Variants in LNX1 observed in about 807,000 individuals in gnomAD.
LNX1 encodes the protein E3 ubiquitin-protein ligase LNX.
A neutral mutation model predicts 68.4 loss-of-function variants in LNX1; 54 were observed. That is an observed-to-expected ratio of 0.79 (90% CI 0.63 to 0.99). The LOEUF is 0.99. Ranked by LOEUF, LNX1 falls within the 50% of genes least tolerant of loss-of-function variation. The probability of loss-of-function intolerance (pLI) is 0.00; values close to 1 mark genes in which losing one functional copy is unlikely to be tolerated. For missense variants in LNX1, 906 were observed against 926.4 expected (o/e 0.98, Z 0.29); for synonymous variants, 336 against 350.0 (o/e 0.96, Z 0.45).
intron 1 of LNX1, among the ~76,000 whole-genome samples, chr4:53,581,152 C>T (rs193128556): frequency 2.0e-5 from 3 of 152,234 alleles, no homozygotes; most frequent in East Asian, 3.9e-4. Flanking sequence ...GTATACTGGT[C>T]ACCCGGGACC....
At chr4:53,493,932 G>A (rs917300424) in intron 6 of LNX1, among the ~76,000 whole-genome samples, 5 of 152,152 alleles carry the variant, frequency 3.3e-5, no homozygotes, top group East Asian at 1.9e-4. Context: ...GTGGCTTTGC[G>A]GATAAAGTCT....
intron 6 of LNX1, among the ~76,000 whole-genome samples, chr4:53,490,247 T>C (rs769598947): frequency 6.6e-6 from 1 of 152,168 alleles, no homozygotes; most frequent in Non-Finnish European, 1.5e-5. Context: ...GAATTGCCTA[T>C]GGAAAAAAGG....
chr4:53,595,168 C>T (rs1189900259), upstream of LNX1, among the ~76,000 whole-genome samples: 1 of 152,160 alleles, frequency 6.6e-6, no homozygotes, highest in Non-Finnish European at 1.5e-5. Context: ...GGGCACAGAT[C>T]ATTCCAGACA....
At chr4:53,530,440 A>G (rs1727937948) in intron 2 of LNX1, among the ~76,000 whole-genome samples, 1 of 152,236 alleles carries the variant, frequency 6.6e-6, no homozygotes, top group Non-Finnish European at 1.5e-5. Flanking sequence ...GAAGTGCAAC[A>G]TTATACTTAA....
chr4:53,642,246 G>A lies in LNX1; in HGVS notation c.-215+9922C>T, dbSNP rs926089111. Among the ~76,000 whole-genome samples the A allele has an allele frequency of 9.6e-4, 135 of 140,552 alleles. 3 individuals are homozygous for A. The highest frequency in any genetic ancestry group is 1.8e-3 in the Admixed American group (26 of 14,220). 92.2% of individuals were successfully genotyped at this position (140,552 alleles called of 152,430 possible). ...CTTAAAAAAAAAAAAAAAAAAAAAA[G>A]GTCAAAGCAGGCCCAGACCATTTCC... is the stretch of plus-strand genomic sequence containing the variant. On this transcript the variant is annotated intron_variant, in intron 1 of 2. Coordinates refer to the LNX1 transcript ENST00000507168.
chr4:53,461,853 A>AATG (rs753904227), intron 9 of LNX1, among the ~76,000 whole-genome samples: 11 of 152,262 alleles, frequency 7.2e-5, no homozygotes, highest in East Asian at 3.9e-4. Context: ...ATCTACTGGG[A>AATG]ATGATAATCA....
At chr4:53,507,626 A>G (rs535271540) in intron 3 of LNX1, among the ~76,000 whole-genome samples, 157 bp from the exon 4 acceptor site, 4 of 152,322 alleles carry the variant, frequency 2.6e-5, no homozygotes, top group Admixed American at 6.5e-5. Flanking sequence ...TAAGTTTTCT[A>G]CAGTGAAATA....
At chr4:53,525,061 T>C (rs1727511395) in intron 2 of LNX1, among the ~76,000 whole-genome samples, 1 of 152,196 alleles carries the variant, frequency 6.6e-6, no homozygotes, top group African/African-American at 2.4e-5. Flanking sequence ...GTGGTCTACA[T>C]TGGATAGCCT....
intron 2 of LNX1, among the ~76,000 whole-genome samples, chr4:53,610,325 T>C (rs1267085810): frequency 1.3e-5 from 2 of 152,022 alleles, no homozygotes; most frequent in Non-Finnish European, 1.5e-5. Context: ...GTTCCAAAAG[T>C]TGAAAGGGAA....
intron 1 of LNX1, among the ~76,000 whole-genome samples, chr4:53,590,747 C>T (rs1331681834): frequency 6.6e-6 from 1 of 152,166 alleles, no homozygotes; most frequent in Non-Finnish European, 1.5e-5. Flanking sequence ...GCAGCCAGTC[C>T]AGGTCTAAAT....
intron 1 of LNX1, among the ~76,000 whole-genome samples, chr4:53,579,481 T>C (rs1577748675): frequency 6.6e-6 from 1 of 152,180 alleles, no homozygotes; most frequent in East Asian, 1.9e-4. Context: ...TATGATTTTA[T>C]TGTCTAGCCT....
chr4:53,512,227 T>C (rs561490348), intron 2 of LNX1, among the ~76,000 whole-genome samples: 1 of 6,920 alleles, frequency 1.4e-4, no homozygotes, highest in South Asian at 0.056. Flanking sequence ...CTGGAGAAAT[T>C]TGGAAGTTTT....
chr4:53,506,818 C>T (rs1235131208), intron 4 of LNX1, among the ~76,000 whole-genome samples: 4 of 133,684 alleles, frequency 3.0e-5, no homozygotes, highest in African/African-American at 5.4e-5. Context: ...ATCATGCCGC[C>T]GTTGCACTCC....
chr4:53,636,229 G>A (rs1734471408), intron 1 of LNX1, among the ~76,000 whole-genome samples: 1 of 144,016 alleles, frequency 6.9e-6, no homozygotes, highest in Non-Finnish European at 1.5e-5. Flanking sequence ...AGGAGTGGTG[G>A]TGAAAGAGGG....
intron 9 of LNX1, among the ~76,000 whole-genome samples, chr4:53,462,277 C>T (rs1426427455): frequency 6.6e-6 from 1 of 152,094 alleles, no homozygotes; most frequent in Non-Finnish European, 1.5e-5. Flanking sequence ...GAATCCTCAA[C>T]TAAAATAGCA....
chr4:53,506,875 A>AAAAAAAAAAAAAAAG (rs1725927061), intron 4 of LNX1, among the ~76,000 whole-genome samples: 5 of 149,146 alleles, frequency 3.4e-5, no homozygotes. Flanking sequence ...AAAAAAAAAA[A>AAAAAAAAAAAAAAAG]GAGGAATAAT....
chr4:53,578,821 T>C (rs1367017814), intron 1 of LNX1, among the ~76,000 whole-genome samples: 1 of 152,232 alleles, frequency 6.6e-6, no homozygotes, highest in African/African-American at 2.4e-5. Flanking sequence ...TTTCTGACTT[T>C]ATTTTAGACT....
Position 53,461,444 on chromosome 4 carries a change from C to G in LNX1, c.2042G>C (p.Gly681Ala). The change falls in exon 10 of 11, where the codon GGA (glycine) becomes GCA (alanine). Residue 681 changes from glycine to alanine, a missense_variant. By Grantham distance (60) the Gly-to-Ala change is moderately conservative (BLOSUM62 0). Transcript: ENST00000263925. ...IVEGTPAYND[G>A]RIRCGDILLA... ...TAGTCATTATTATTACCTAATTCTTCCATCATTGTATGCTGGTGTTCCTTC... is the reference window on the plus strand; with the variant it reads ...TAGTCATTATTATTACCTAATTCTTGCATCATTGTATGCTGGTGTTCCTTC... 6.2e-7 allele frequency: 1 copy of G among 1,605,760 alleles called. No homozygotes were observed. The highest frequency in any genetic ancestry group is 1.1e-5 in the South Asian group (1 of 90,084).
At chr4:53,469,381 G>C (rs572779607) in intron 9 of LNX1, among the ~76,000 whole-genome samples, 4 of 152,128 alleles carry the variant, frequency 2.6e-5, no homozygotes, top group Non-Finnish European at 5.9e-5. Context: ...GCTCACAAGA[G>C]AAAGCAGGAA....
Sources: allele counts gnomAD v4.1 joint callset (sites outside exome capture counted in the v4.1 genomes callset), GRCh38; gene constraint gnomAD v4.1.1; transcripts MANE v1.5; gene names NCBI Gene and HGNC (gene_info 2026-07-23, HGNC 2026-07-21).